The following RELN variants were observed in gnomAD, a reference collection of about 807,000 sequenced individuals.
RELN encodes the protein reelin.
Under a neutral mutation model 427.6 loss-of-function variants are expected in RELN, and 108 were observed. The ratio of observed to expected loss-of-function variants is 0.25; its 90% CI spans 0.22 to 0.30. The LOEUF (loss-of-function observed/expected upper bound fraction) is 0.30. RELN is among the 10% of genes least tolerant of loss of function. The pLI is 1.00. For synonymous variants in RELN, 1,524 were observed against 1,513.4 expected (o/e 1.01, Z -0.16); for missense variants, 3,715 against 4,302.8 (o/e 0.86, Z 3.82).
intron 47 of RELN, 92 bp from the exon 48 acceptor site, chr7:103,522,291 T>C: frequency 7.9e-7 from 1 of 1,258,250 alleles, no homozygotes. Context: ...CTTTTCCTAG[T>C]CCAAGATGAT....
chr7:103,725,529 C>T (rs565551470), intron 7 of RELN, among the ~76,000 whole-genome samples: 1 of 152,140 alleles, frequency 6.6e-6, no homozygotes, highest in East Asian at 1.9e-4. Flanking sequence ...GATGGCACAC[C>T]TGGACACCAG....
chr7:103,668,008 T>G lies in RELN; in HGVS notation c.1290-6481A>C, dbSNP rs1833308336. On this transcript the variant is annotated intron_variant, in intron 11 of 64. Transcript: ENST00000428762. ...ACTCTGGGAGGCCAAGGTGGGCGGA[T>G]CACTTGAGGCCAGGATTTCAAGTTC... Among the ~76,000 whole-genome samples the G allele has an allele frequency of 2.0e-5, 3 of 152,184 alleles. No homozygotes were observed. In the South Asian group the frequency reaches 6.2e-4, roughly 31 times the overall value.
chr7:103,835,954 C>CTTTTTTTTTT lies in RELN; in HGVS notation c.338-2292_338-2283dup, dbSNP rs10569884. Among the ~76,000 whole-genome samples the CTTTTTTTTTT allele has an allele frequency of 4.9e-5, 7 of 142,440 alleles. 1 individual carries two copies. Among genetic ancestry groups the CTTTTTTTTTT allele is most frequent in the African/African-American group, 1.0e-4 (4 of 38,566 alleles). The allele number at this position is 142,440 out of a possible 152,430, so 93.4% of individuals were successfully genotyped here. A position where few individuals can be genotyped will look rare whatever the true frequency, so the allele number is the denominator to read the frequency against. ...TCTCTTTACAAAACTCTCAATTACC[C>CTTTTTTTTTT]TTTTTTTTTTTTTTTTTTATAGGCG... On this transcript the variant is annotated intron_variant, in intron 2 of 64. Transcript: ENST00000428762.
chr7:103,711,882 C>T (rs1562967143), intron 8 of RELN, among the ~76,000 whole-genome samples: 8 of 152,084 alleles, frequency 5.3e-5, no homozygotes, highest in Admixed American at 5.2e-4. Context: ...TCGTCTCAAA[C>T]TCCTGGGCTC....
At chr7:103,909,577 A>T (rs1448177838) in intron 2 of RELN, among the ~76,000 whole-genome samples, 5 of 141,620 alleles carry the variant, frequency 3.5e-5, no homozygotes, top group African/African-American at 1.3e-4. Flanking sequence ...ACTGCACTCC[A>T]GCCTGGGTAA....
Position 103,630,178 on chromosome 7 carries a change from T to TA in RELN, c.2466-3dup, listed in dbSNP as rs1584358916. 1 of 1,589,328 alleles carries TA rather than the reference T, an allele frequency of 6.3e-7. No individual in the cohort carries two copies. On this transcript the variant is annotated splice_region_variant and splice_polypyrimidine_tract_variant and intron_variant, in intron 19 of 64. Transcript: ENST00000428762. ...CCTGGTAGTTCTACGGAGATTATTC[T>TA]AGAGAAAAAAAAAAAGTCAAAATTT... is the stretch of plus-strand genomic sequence containing the variant.
intron 1 of RELN, among the ~76,000 whole-genome samples, chr7:103,927,689 C>A (rs1246947026): frequency 1.3e-5 from 2 of 152,072 alleles, no homozygotes; most frequent in East Asian, 3.8e-4. Flanking sequence ...GCACTTAGTA[C>A]AATGAGTCTT....
rs370681983 is a variant in RELN, at chr7:103,481,479, C to T, written c.10280+1394G>A. ...TGGTTATTGACTCTCATTTTATTAT[C>T]TACCAGTTTATGAGAATCACCTGAG... On this transcript the variant is annotated intron_variant, in intron 63 of 64. Coordinates refer to ENST00000428762, the MANE Select transcript of RELN (RefSeq NM_005045.4). 4.6e-5 allele frequency among the ~76,000 whole-genome samples: 7 copies of T among 152,258 alleles called. No individual in the cohort carries two copies. In the East Asian group the frequency reaches 1.2e-3, roughly 25 times the overall value.
intron 1 of RELN, among the ~76,000 whole-genome samples, chr7:103,963,037 C>T (rs1348359156): frequency 4.0e-5 from 6 of 151,872 alleles, no homozygotes; most frequent in Non-Finnish European, 8.8e-5. Context: ...GAACAGGAGA[C>T]AGACGTAAGC....
intron 1 of RELN, among the ~76,000 whole-genome samples, chr7:103,937,825 A>G (rs995905923): frequency 1.3e-5 from 2 of 152,192 alleles, no homozygotes; most frequent in East Asian, 3.8e-4. Flanking sequence ...TGTTCGTGTA[A>G]CACAAGACAC....
chr7:103,734,936 A>C (rs1054098250), intron 6 of RELN, among the ~76,000 whole-genome samples: 1 of 152,112 alleles, frequency 6.6e-6, no homozygotes, highest in African/African-American at 2.4e-5. Context: ...CGATGAGTGG[A>C]CTTCATAAAA....
chr7:103,783,167 T>G (rs1468380439), intron 3 of RELN, among the ~76,000 whole-genome samples: 8 of 150,334 alleles, frequency 5.3e-5, no homozygotes, highest in Non-Finnish European at 1.2e-4. Flanking sequence ...TTTCTTTCTT[T>G]TTTTTTTTTT....
chr7:103,772,484 G>C (rs957795946), intron 4 of RELN, among the ~76,000 whole-genome samples: 3 of 152,186 alleles, frequency 2.0e-5, no homozygotes, highest in Non-Finnish European at 4.4e-5. Flanking sequence ...GTAGTGTCTG[G>C]CACATAACAG....
At chr7:103,863,609 A>G (rs1035957442) in intron 2 of RELN, among the ~76,000 whole-genome samples, 19 of 152,290 alleles carry the variant, frequency 1.2e-4, no homozygotes, top group Non-Finnish European at 2.2e-4. Flanking sequence ...GCTTTGAGGA[A>G]GAATTTTATA....
chr7:103,664,547 G>A (rs553160314), intron 11 of RELN, among the ~76,000 whole-genome samples: 12 of 152,284 alleles, frequency 7.9e-5, no homozygotes, highest in Middle Eastern at 3.4e-3. Context: ...GCTGGGCAAC[G>A]TGGTACTTCA....
rs57221510 is a variant in RELN at position 103,491,848 on chromosome 7, TCTCTCTCTCACACACACACACACACA to T, written c.9443+79_9443+104del. ...GTCTCTCTCTCTCTCTCTCTCTCTC[TCTCTCTCTCACACACACACACACACA>T]CACACACACACACACACACACAACG... On this transcript the variant is annotated intron_variant, in intron 58 of 64. Transcript: ENST00000428762. The T allele has an allele frequency of 3.1e-3, 1,813 of 581,730 alleles. 24 individuals carry two copies. In the African/African-American group the frequency reaches 0.042, roughly 14 times the overall value. 36.0% of individuals were successfully genotyped at this position (581,730 alleles called of 1,614,324 possible).
chr7:103,567,751 C>T lies in RELN; in HGVS notation c.4589-992G>A, dbSNP rs532899800. Among the ~76,000 whole-genome samples, 13 of 150,242 alleles carry T rather than the reference C, an allele frequency of 8.7e-5. No individual in the cohort carries two copies. In the South Asian group the frequency reaches 1.7e-3, roughly 19 times the overall value. On this transcript the variant is annotated intron_variant, in intron 31 of 64. Coordinates refer to ENST00000428762, the MANE Select transcript of RELN (RefSeq NM_005045.4). Reference sequence around the variant, plus strand: ...TTTTTGAGTATTCATAGATATTACGCTCAGTAAAGTTGTTATTTTTACTTT... The same window carrying T: ...TTTTTGAGTATTCATAGATATTACGTTCAGTAAAGTTGTTATTTTTACTTT...
intron 45 of RELN, among the ~76,000 whole-genome samples, chr7:103,536,276 C>A (rs1014060304): frequency 6.6e-6 from 1 of 152,116 alleles, no homozygotes; most frequent in African/African-American, 2.4e-5. Flanking sequence ...TATTTCTTTC[C>A]TTTTCTTCTT....
rs558944286 is a variant in RELN at position 103,907,878 on chromosome 7, T to C, written c.337+9197A>G. 4.1e-4 allele frequency among the ~76,000 whole-genome samples: 62 copies of C among 152,188 alleles called. No homozygotes were observed. In the South Asian group the frequency reaches 0.013, roughly 31 times the overall value. ...GTATATGTGTGCCATGGTGGTTTGC[T>C]GCACGCATCAACCCGTCATTTAGGT... On this transcript the variant is annotated intron_variant, in intron 2 of 64. Transcript: ENST00000428762.
Sources: gnomAD v4.1 joint callset for allele counts (sites outside exome capture counted in the v4.1 genomes callset) on GRCh38, gnomAD v4.1.1 for gene constraint, MANE v1.5 for transcripts, NCBI Gene and HGNC (gene_info 2026-07-23, HGNC 2026-07-21) for gene names.